MGRN1: variants seen among roughly 807,000 people sequenced by gnomAD.
MGRN1 encodes the protein E3 ubiquitin-protein ligase MGRN1.
In MGRN1, 29 loss-of-function variants were observed where a neutral mutation model predicts 69.2. The ratio of observed to expected loss-of-function variants is 0.42; its 90% CI spans 0.31 to 0.57. The LOEUF is 0.57. Ranked by LOEUF, MGRN1 falls within the 20% of genes least tolerant of loss-of-function variation. The pLI, the probability that MGRN1 is intolerant of heterozygous loss-of-function variation, is 0.15. For missense variants in MGRN1, 998 were observed against 796.2 expected (o/e 1.25, Z -3.05); for synonymous variants, 470 against 344.2 (o/e 1.37, Z -4.04).
At position 4,683,700 on chromosome 16, in the gene MGRN1, G is replaced by A. The variant is rs570287835; in HGVS notation, c.1529-143G>A. The stretch of plus-strand genomic sequence containing the variant: ...GTCCCTGGAGAGCAGGTGGGGTCAC[G>A]GTGGAGTCCTGCTGGAGCACAAGCC... On this transcript the variant is annotated intron_variant, in intron 15 of 16. Transcript: ENST00000262370. 31 of 644,418 alleles carry A rather than the reference G, an allele frequency of 4.8e-5. No individual in the cohort carries two copies. The African/African-American group carries it at 5.1e-4, about 11-fold the overall frequency. The allele number at this position is 644,418 out of a possible 1,614,324, so 39.9% of individuals were successfully genotyped here. A position where few individuals can be genotyped will look rare whatever the true frequency, so the allele number is the denominator to read the frequency against.
chr16:4,682,902 C>G lies in MGRN1; in HGVS notation c.1438C>G (p.Leu480Val), dbSNP rs557117092. Reference protein sequence around the residue: ...LSEDVDAPPPLGGAELALRES... With the variant: ...LSEDVDAPPPVGGAELALRES... ...CGAGGACGTGGACGCCCCTCCCCCA[C>G]TGGGTGGCGCAGAGCTGGCCCTGCG... Residue 480 changes from leucine to valine, a missense_variant, in exon 14 of 17, where the codon CTG becomes GTG. Transcript: ENST00000262370. 29 of 1,608,848 alleles carry G rather than the reference C, an allele frequency of 1.8e-5. No individual in the cohort carries two copies. The highest frequency in any genetic ancestry group is 2.3e-5 in the Non-Finnish European group (27 of 1,176,674).
At chr16:4,643,661 C>G (rs189521279) in intron 1 of MGRN1, among the ~76,000 whole-genome samples, 1 of 152,096 alleles carries the variant, frequency 6.6e-6, no homozygotes, top group African/African-American at 2.4e-5. Context: ...CGTGAGTCAC[C>G]GCGCCTGGCA....
At chr16:4,682,228 G>T (rs1021240406) in intron 13 of MGRN1, among the ~76,000 whole-genome samples, 5 of 152,218 alleles carry the variant, frequency 3.3e-5, no homozygotes, top group East Asian at 1.9e-4. Flanking sequence ...CCGTTCGCCC[G>T]TGACGAGCCA....
At chr16:4,655,312 G>C (rs576746933) in intron 4 of MGRN1, among the ~76,000 whole-genome samples, 1 of 152,340 alleles carries the variant, frequency 6.6e-6, no homozygotes, top group East Asian at 1.9e-4. Flanking sequence ...GCTGCTACCA[G>C]AAAGGCTAGA....
intron 16 of MGRN1, chr16:4,688,595 G>C: frequency 1.5e-6 from 2 of 1,342,526 alleles, no homozygotes; most frequent in Non-Finnish European, 1.9e-6. Context: ...TGTCCCAAGA[G>C]GGACACAGCG....
intron 16 of MGRN1, chr16:4,686,702 G>A: frequency 9.7e-7 from 1 of 1,028,378 alleles, no homozygotes; most frequent in African/African-American, 1.7e-5. Context: ...ACCCCAGGGA[G>A]ACATGGGGTG....
intron 4 of MGRN1, among the ~76,000 whole-genome samples, chr16:4,653,240 G>T (rs1286889050): frequency 1.3e-5 from 2 of 152,190 alleles, no homozygotes; most frequent in East Asian, 3.9e-4. Context: ...CACTTGGCTG[G>T]TGTTTGTTGG....
intron 1 of MGRN1, chr16:4,634,830 G>A (rs551805319): frequency 6.6e-6 from 1 of 152,418 alleles, no homozygotes; most frequent in East Asian, 1.9e-4. Context: ...CGGGGGACTT[G>A]GGTCCTCTCA....
chr16:4,677,868 G>GTT, intron 11 of MGRN1, among the ~76,000 whole-genome samples: 1 of 150,036 alleles, frequency 6.7e-6, no homozygotes. Flanking sequence ...TTTGAGGCAG[G>GTT]GTCTCGGTCT....
intron 1 of MGRN1, among the ~76,000 whole-genome samples, chr16:4,629,020 A>G (rs1897847024): frequency 6.6e-6 from 1 of 151,874 alleles, no homozygotes; most frequent in Non-Finnish European, 1.5e-5. Flanking sequence ...TATTTTTAGT[A>G]GACACGGGGT....
At chr16:4,683,353 G>A in intron 15 of MGRN1, 84 bp downstream of exon 15, 1 of 1,512,176 alleles carries the variant, frequency 6.6e-7, no homozygotes, top group South Asian at 1.1e-5. Context: ...TCCAGGTGGT[G>A]TTGGGCCAGC....
In MGRN1 at chr16:4,688,858, C is replaced by A. The variant is rs968554579; in HGVS notation, c.1681C>A (p.Leu561Ile). 1.3e-6 allele frequency: 2 copies of A among 1,555,088 alleles called. No individual in the cohort carries two copies. Among genetic ancestry groups the A allele is most frequent in the Admixed American group, 3.8e-5 (2 of 52,408 alleles). Reference sequence around the variant, plus strand: ...CACCACCAGCCCCACCTGGCCTCCACTTGGTGGCCCCAGCCCCGATCCCAG... The same window carrying A: ...CACCACCAGCCCCACCTGGCCTCCAATTGGTGGCCCCAGCCCCGATCCCAG... ...LATTSPTWPP[L>I]GGPSPDPSAA... Residue 561 changes from leucine (L) to isoleucine (I), a missense_variant, in exon 17 of 17, where the codon CTT becomes ATT. Transcript: ENST00000262370.
At chr16:4,663,005 C>T (rs1268371207) in intron 5 of MGRN1, among the ~76,000 whole-genome samples, 2 of 152,238 alleles carry the variant, frequency 1.3e-5, no homozygotes, top group African/African-American at 4.8e-5. Context: ...TCTCCCCTCA[C>T]CCAACTGCCC....
chr16:4,639,933 C>G (rs897469850), intron 1 of MGRN1: 2 of 152,364 alleles, frequency 1.3e-5, no homozygotes, highest in African/African-American at 2.4e-5. Context: ...CTGCCCTCCA[C>G]GCTCCGCGGC....
At chr16:4,663,087 G>A (rs1460036048) in intron 5 of MGRN1, among the ~76,000 whole-genome samples, 2 of 152,070 alleles carry the variant, frequency 1.3e-5, no homozygotes, top group Non-Finnish European at 2.9e-5. Context: ...TTTTTGAGAC[G>A]GAGTCTCACT....
At chr16:4,666,669 T>C (rs755232359) in intron 7 of MGRN1, among the ~76,000 whole-genome samples, 7 of 152,226 alleles carry the variant, frequency 4.6e-5, no homozygotes, top group Non-Finnish European at 8.8e-5. Context: ...ACCTGGCACA[T>C]GTCACAGACC....
At chr16:4,687,310 G>A in intron 16 of MGRN1, 2 of 981,782 alleles carry the variant, frequency 2.0e-6, no homozygotes, top group Non-Finnish European at 2.4e-6. Context: ...GGTACTTTGG[G>A]AGACCGAGGG....
intron 5 of MGRN1, chr16:4,658,730 TGTG>T (rs1200320691): frequency 2.0e-5 from 3 of 151,226 alleles, no homozygotes; most frequent in Non-Finnish European, 3.0e-5. Context: ...ACAAGCCAGG[TGTG>T]GTGGCTCTCG....
chr16:4,647,869 G>A (rs933688456), intron 1 of MGRN1, among the ~76,000 whole-genome samples: 9 of 152,076 alleles, frequency 5.9e-5, no homozygotes, highest in African/African-American at 2.2e-4. Context: ...ACTGTTCCTG[G>A]CAGTCAGCAG....
Sources: gnomAD v4.1 joint callset for allele counts (sites outside exome capture counted in the v4.1 genomes callset) on GRCh38, gnomAD v4.1.1 for gene constraint, MANE v1.5 for transcripts, NCBI Gene and HGNC (gene_info 2026-07-23, HGNC 2026-07-21) for gene names.